SSPN: variants seen among roughly 807,000 people sequenced by gnomAD.
The protein encoded by SSPN is K-ras oncogene-associated protein.
A neutral mutation model predicts 19.1 loss-of-function variants in SSPN; 15 were observed. The ratio of observed to expected loss-of-function variants is 0.78; its 90% confidence interval spans 0.52 to 1.21. SSPN has a LOEUF of 1.21. Among genes scored for constraint, SSPN ranks in the 50% most tolerant of loss-of-function variants. The pLI, the probability that SSPN is intolerant of heterozygous loss-of-function variation, is 0.00. For missense variants in SSPN, 291 were observed against 314.0 expected, an observed-to-expected ratio of 0.93 and a Z score of 0.55; for synonymous variants, 147 against 140.3, an observed-to-expected ratio of 1.05 and a Z score of -0.34.
intron 1 of SSPN, chr12:26,124,994 G>C: frequency 1.6e-6 from 1 of 635,904 alleles, no homozygotes; most frequent in Non-Finnish European, 2.9e-6. Flanking sequence ...ACTCGCGCCG[G>C]CCCCACTGCG....
chr12:26,167,049 T>C (rs1944625370), intron 1 of SSPN, among the ~76,000 whole-genome samples: 1 of 152,186 alleles, frequency 6.6e-6, no homozygotes, highest in African/African-American at 2.4e-5. Context: ...GCTACCAATA[T>C]TGAAAAATAA....
chr12:26,139,129 C>T (rs1476632087), intron 1 of SSPN, among the ~76,000 whole-genome samples: 1 of 152,090 alleles, frequency 6.6e-6, no homozygotes, highest in Non-Finnish European at 1.5e-5. Context: ...GTAGCAAAAA[C>T]ACACACTTAC....
intron 1 of SSPN, among the ~76,000 whole-genome samples, chr12:26,165,398 C>T (rs866763139): frequency 3.3e-5 from 5 of 152,232 alleles, no homozygotes; most frequent in South Asian, 4.2e-4. Flanking sequence ...TTTAATGCAC[C>T]GTGTTTTAAC....
At chr12:26,208,384 G>T (rs1354650033) in intron 1 of SSPN, among the ~76,000 whole-genome samples, 1 of 151,962 alleles carries the variant, frequency 6.6e-6, no homozygotes, top group South Asian at 2.1e-4. Flanking sequence ...ATGTTGATTG[G>T]CCATTTTATT....
At chr12:26,136,473 G>A (rs2137401048) in intron 1 of SSPN, among the ~76,000 whole-genome samples, 1 of 152,320 alleles carries the variant, frequency 6.6e-6, no homozygotes, top group East Asian at 1.9e-4. Flanking sequence ...AGAAATAGCA[G>A]TACCTCCCTC....
intron 1 of SSPN, among the ~76,000 whole-genome samples, chr12:26,205,036 G>A (rs1944919085): frequency 6.6e-6 from 1 of 152,140 alleles, no homozygotes; most frequent in Non-Finnish European, 1.5e-5. Flanking sequence ...TGTTTCCTGG[G>A]GCTGGCAAAA....
intron 1 of SSPN, among the ~76,000 whole-genome samples, chr12:26,199,292 A>AT (rs1013474585): frequency 6.6e-6 from 1 of 152,164 alleles, no homozygotes; most frequent in East Asian, 1.9e-4. Flanking sequence ...CAAATAGGTC[A>AT]TTTTTTATCT....
chr12:26,150,462 T>C (rs1944518971), intron 1 of SSPN, among the ~76,000 whole-genome samples: 1 of 152,238 alleles, frequency 6.6e-6, no homozygotes, highest in Non-Finnish European at 1.5e-5. Flanking sequence ...ATGATTTTAT[T>C]TTCCCTGGAA....
chr12:26,209,389 T>A (rs565768990), intron 1 of SSPN, among the ~76,000 whole-genome samples: 1 of 152,136 alleles, frequency 6.6e-6, no homozygotes, highest in South Asian at 2.1e-4. Context: ...TAAAATTAAG[T>A]TTGTTCCCTT....
intron 1 of SSPN, chr12:26,125,343 A>C (rs1019761414): frequency 2.3e-5 from 5 of 220,232 alleles, no homozygotes; most frequent in East Asian, 1.1e-4. Flanking sequence ...CCAAAATGCG[A>C]CTCCCTGGGT....
Position 26,233,557 on chromosome 12 carries a change from C to T in SSPN, c.*2481C>T, listed in dbSNP as rs1364744561. 3 of 152,082 alleles carry T rather than the reference C, an allele frequency of 2.0e-5. No homozygotes were observed. The highest frequency in any genetic ancestry group is 6.5e-5 in the Admixed American group (1 of 15,274). The allele number at this position is 152,082 out of a possible 1,614,324, so 9.4% of individuals were successfully genotyped here. ...GTAAGAATTGTGTTGCATGAATAAC[C>T]GCTTTGGGCTGGATTTGAAGTATTT... On this transcript the variant is annotated 3_prime_UTR_variant, in exon 3 of 3. Coordinates refer to ENST00000242729, the MANE Select transcript of SSPN (RefSeq NM_005086.5). This position sits in a 1 kb window ranked among gnomAD's most constrained non-coding sequence, Gnocchi z 4.3.
In SSPN at chr12:26,128,333, A is replaced by G. The variant is rs73289343; in HGVS notation, c.-31+6181A>G. Among the ~76,000 whole-genome samples the G allele has an allele frequency of 5.8e-3, 885 of 152,354 alleles. 12 individuals are homozygous for G. The highest frequency in any genetic ancestry group is 0.02 in the African/African-American group (843 of 41,580). ...GACAGAGATAAGAAAAGCTATGGCA[A>G]GAAGAGAGGCAGTCTTTTGCCATGT... On this transcript the variant is annotated intron_variant, in intron 1 of 2. Transcript: ENST00000538142.
At chr12:26,134,958 C>G (rs1221502083) in intron 1 of SSPN, 1 of 152,280 alleles carries the variant, frequency 6.6e-6, no homozygotes, top group African/African-American at 2.4e-5. Flanking sequence ...TGTGGAATTG[C>G]TGTTTGTCAT....
rs139506258 is a variant in SSPN at position 26,213,212 on chromosome 12, A to G, written c.280-11081A>G. 3.1e-4 allele frequency among the ~76,000 whole-genome samples: 47 copies of G among 152,292 alleles called. No individual in the cohort carries two copies. The East Asian group carries it at 8.3e-3, about 27-fold the overall frequency. On this transcript the variant is annotated intron_variant, in intron 1 of 2. Transcript: ENST00000242729. ...AAACATGCAGCTGGGCATGGGACATAGTTCCTAAGATTGGCATTTCCTGGG... is the reference window on the plus strand; with the variant it reads ...AAACATGCAGCTGGGCATGGGACATGGTTCCTAAGATTGGCATTTCCTGGG...
At chr12:26,128,034 A>G (rs1202556874) in intron 1 of SSPN, among the ~76,000 whole-genome samples, 1 of 151,954 alleles carries the variant, frequency 6.6e-6, no homozygotes, top group Non-Finnish European at 1.5e-5. Context: ...TACAGATGAG[A>G]AAATGCTTAC....
intron 1 of SSPN, among the ~76,000 whole-genome samples, chr12:26,213,477 C>A (rs1294033372): frequency 6.6e-6 from 1 of 151,914 alleles, no homozygotes; most frequent in Non-Finnish European, 1.5e-5. Flanking sequence ...AGACCCAGAG[C>A]TAACATGCAT....
Position 26,234,475 on chromosome 12 carries a change from G to T in SSPN, c.*3399G>T, listed in dbSNP as rs924068597. On this transcript the variant is annotated 3_prime_UTR_variant, in exon 3 of 3. Transcript: ENST00000242729. ...ATTCAGGATAGCATTAAAAAGAACT[G>T]ATGGCAAATGTATTGACTCACAGTG... The T allele has an allele frequency of 2.0e-5, 3 of 152,198 alleles. No homozygotes were observed. The highest frequency in any genetic ancestry group is 7.2e-5 in the African/African-American group (3 of 41,436). The allele number at this position is 152,198 out of a possible 1,614,324, so 9.4% of individuals were successfully genotyped here. A position where few individuals can be genotyped will look rare whatever the true frequency, so the allele number is the denominator to read the frequency against.
At chr12:26,210,972 A>G (rs1450607543) in intron 1 of SSPN, among the ~76,000 whole-genome samples, 1 of 152,156 alleles carries the variant, frequency 6.6e-6, no homozygotes, top group African/African-American at 2.4e-5. Flanking sequence ...AATGTATAAA[A>G]AGTAAGGAAT....
chr12:26,191,185 T>G (rs960184055), upstream of SSPN, among the ~76,000 whole-genome samples: 1 of 152,246 alleles, frequency 6.6e-6, no homozygotes, highest in African/African-American at 2.4e-5. Context: ...TAAAATAAAT[T>G]TAGTTATTTC....
Sources: gnomAD v4.1 joint callset for allele counts (sites outside exome capture counted in the v4.1 genomes callset) on GRCh38, gnomAD v4.1.1 for gene constraint, Gnocchi (gnomAD v3.1) non-coding constraint, MANE v1.5 for transcripts, NCBI Gene and HGNC (gene_info 2026-07-23, HGNC 2026-07-21) for gene names.